The following DNAH11 variants were observed in gnomAD, a reference collection of about 807,000 sequenced individuals.
DNAH11 encodes the protein dynein axonemal heavy chain 11, also known as axonemal beta dynein heavy chain 11.
In DNAH11, 442 loss-of-function variants were observed where a neutral mutation model predicts 526.0. The ratio of observed to expected loss-of-function variants is 0.84; its 90% confidence interval spans 0.78 to 0.91. The LOEUF (loss-of-function observed/expected upper bound fraction) is 0.91. Among genes scored for constraint, DNAH11 ranks in the 40% least tolerant of loss-of-function variants. The pLI is 0.00. For missense variants in DNAH11, 6,989 were observed against 5,448.7 expected (o/e 1.28, Z -8.90); for synonymous variants, 2,461 against 1,935.9 (o/e 1.27, Z -7.12).
chr7:21,742,232 C>G, intron 49 of DNAH11, 66 bp downstream of exon 49: 2 of 1,524,238 alleles, frequency 1.3e-6, no homozygotes, highest in Non-Finnish European at 1.8e-6. Context: ...TGTATTAGCC[C>G]ATTTTTTATG....
chr7:21,823,686 A>G (rs1048586914), intron 65 of DNAH11, among the ~76,000 whole-genome samples: 1 of 152,146 alleles, frequency 6.6e-6, no homozygotes, highest in African/African-American at 2.4e-5. Flanking sequence ...AAGATGGTTA[A>G]CCAAAACAAA....
At chr7:21,576,132 C>T (rs2128438905) in intron 8 of DNAH11, among the ~76,000 whole-genome samples, 1 of 152,046 alleles carries the variant, frequency 6.6e-6, no homozygotes, top group African/African-American at 2.4e-5. Flanking sequence ...TCCTACCTGC[C>T]AGCGATGGAG....
At chr7:21,784,040 T>C (rs1164849803) in intron 57 of DNAH11, among the ~76,000 whole-genome samples, 1 of 152,186 alleles carries the variant, frequency 6.6e-6, no homozygotes, top group Non-Finnish European at 1.5e-5. Flanking sequence ...AGGAAGAACA[T>C]TTTGTGGTCT....
intron 76 of DNAH11, among the ~76,000 whole-genome samples, chr7:21,887,334 T>C (rs1198415815): frequency 3.3e-5 from 5 of 152,228 alleles, no homozygotes; most frequent in African/African-American, 1.2e-4. Flanking sequence ...TCTTCTCACA[T>C]AAAGCATGTA....
intron 31 of DNAH11, among the ~76,000 whole-genome samples, chr7:21,683,351 A>G (rs1783220494): frequency 1.3e-5 from 2 of 152,224 alleles, no homozygotes; most frequent in South Asian, 4.1e-4. Flanking sequence ...AAATCTCTGT[A>G]CTAAAAGCAG....
intron 8 of DNAH11, among the ~76,000 whole-genome samples, chr7:21,579,114 C>T (rs568459552): frequency 5.6e-4 from 86 of 152,304 alleles, no homozygotes; most frequent in Middle Eastern, 3.4e-3. Flanking sequence ...GTTCTCCACA[C>T]GGCAGCCTGA....
intron 79 of DNAH11, among the ~76,000 whole-genome samples, chr7:21,897,948 C>G (rs576449348): frequency 2.0e-4 from 30 of 152,324 alleles, no homozygotes; most frequent in Middle Eastern, 3.4e-3. Flanking sequence ...TGCTTTCACT[C>G]TAACCCTTTA....
rs1219517119 is a variant in DNAH11 at position 21,657,718 on chromosome 7, A to G, written c.5095-1080A>G. Among the ~76,000 whole-genome samples the G allele has an allele frequency of 2.0e-5, 3 of 152,174 alleles. No individual in the cohort carries two copies. In the East Asian group the frequency reaches 5.8e-4, roughly 29 times the overall value. ...CCATTGGTTAGATCAGAACAACCTG[A>G]CATAATTCGGTTAATCTGAACTCAT... On this transcript the variant is annotated intron_variant, in intron 29 of 81. Coordinates refer to ENST00000409508, the MANE Select transcript of DNAH11 (RefSeq NM_001277115.2).
intron 44 of DNAH11, among the ~76,000 whole-genome samples, chr7:21,723,018 C>T (rs1437120133): frequency 6.6e-6 from 1 of 152,198 alleles, no homozygotes; most frequent in African/African-American, 2.4e-5. Context: ...CTGGCACCTT[C>T]CCTTCGCTAA....
intron 62 of DNAH11, among the ~76,000 whole-genome samples, chr7:21,804,671 C>G (rs1327853436): frequency 3.3e-5 from 5 of 152,144 alleles, no homozygotes; most frequent in Non-Finnish European, 7.4e-5. Context: ...CAGGTTCATT[C>G]CAAATCCTAG....
chr7:21,812,134 C>T (rs912969163), intron 63 of DNAH11, among the ~76,000 whole-genome samples: 1 of 152,156 alleles, frequency 6.6e-6, no homozygotes, highest in Non-Finnish European at 1.5e-5. Flanking sequence ...AGAGTGGAAT[C>T]ATCATCTACA....
intron 68 of DNAH11, among the ~76,000 whole-genome samples, chr7:21,856,521 A>G (rs890969638): frequency 6.6e-6 from 1 of 152,234 alleles, no homozygotes; most frequent in African/African-American, 2.4e-5. Flanking sequence ...ACACTAAGGC[A>G]TTACAATAAA....
intron 8 of DNAH11, among the ~76,000 whole-genome samples, chr7:21,576,913 T>A (rs1784117982): frequency 6.6e-6 from 1 of 152,146 alleles, no homozygotes; most frequent in South Asian, 2.1e-4. Flanking sequence ...TGTTACTACT[T>A]ATTTCTGAAA....
At position 21,749,660 on chromosome 7, in the gene DNAH11, G is replaced by A. The variant is rs913963881; in HGVS notation, c.8674-18G>A. The A allele has an allele frequency of 6.2e-7, 1 of 1,613,546 alleles. No homozygotes were observed. The highest frequency in any genetic ancestry group is 8.5e-7 in the Non-Finnish European group (1 of 1,179,664). On this transcript the variant is annotated intron_variant, in intron 52 of 81. Coordinates refer to ENST00000409508, the MANE Select transcript of DNAH11 (RefSeq NM_001277115.2). ...ATCAGCATTTTAACAAAACATGAGT[G>A]ATGGCCTTTCCTTACAGGTAGATCT...
chr7:21,901,309 A>G lies in DNAH11; in HGVS notation c.*55A>G. The G allele has an allele frequency of 6.7e-7, 1 of 1,500,800 alleles. No individual in the cohort carries two copies. The highest frequency in any genetic ancestry group is 8.9e-7 in the Non-Finnish European group (1 of 1,118,480). The allele number at this position is 1,500,800 out of a possible 1,614,324, so 93.0% of individuals were successfully genotyped here. ...TGGAGTGCAGTGAGGATTTTCTAGCATGTTGCTGCACTGTTCCCATGCACA... is the reference window on the plus strand; with the variant it reads ...TGGAGTGCAGTGAGGATTTTCTAGCGTGTTGCTGCACTGTTCCCATGCACA... On this transcript the variant is annotated 3_prime_UTR_variant, in exon 82 of 82. Transcript: ENST00000409508.
intron 61 of DNAH11, among the ~76,000 whole-genome samples, chr7:21,796,512 T>G (rs547371787): frequency 6.6e-6 from 1 of 152,224 alleles, no homozygotes; most frequent in African/African-American, 2.4e-5. Context: ...GTTTATAAAC[T>G]GGGTACAGAA....
chr7:21,681,917 A>G (rs1197281814), intron 31 of DNAH11, among the ~76,000 whole-genome samples: 1 of 152,188 alleles, frequency 6.6e-6, no homozygotes, highest in Non-Finnish European at 1.5e-5. Flanking sequence ...CAGATCATCA[A>G]AAAAAATTTT....
At position 21,744,452 on chromosome 7, in the gene DNAH11, T is replaced by TTCTCC. The variant is rs756097704; in HGVS notation, c.8171_8175dup (p.Glu2726LeufsTer5). 6.2e-7 allele frequency: 1 copy of TTCTCC among 1,613,674 alleles called. No homozygotes were observed. The highest frequency in any genetic ancestry group is 1.7e-5 in the Admixed American group (1 of 60,002). ...TTGCCTTGTAGGGGATTTTATTTGC[T>TTCTCC]TCTCCTGAGTGTTTAAAAGGTCCAC... On this transcript the variant is annotated frameshift_variant, in exon 50 of 82. Transcript: ENST00000409508. LOFTEE classifies it high-confidence loss of function.
intron 48 of DNAH11, 53 bp from the exon 49 acceptor site, chr7:21,741,874 A>G (rs759884926): frequency 3.8e-5 from 60 of 1,588,744 alleles, no homozygotes; most frequent in Non-Finnish European, 5.0e-5. Flanking sequence ...GGTCTTTGCA[A>G]TTTTCTGGTA....
Sources: allele counts gnomAD v4.1 joint callset (sites outside exome capture counted in the v4.1 genomes callset), GRCh38; gene constraint gnomAD v4.1.1; transcripts MANE v1.5; gene names NCBI Gene and HGNC (gene_info 2026-07-23, HGNC 2026-07-21).